ATP8B4: variants seen among roughly 807,000 people sequenced by gnomAD.
The protein encoded by ATP8B4 is probable phospholipid-transporting ATPase IM.
A neutral mutation model predicts 145.6 loss-of-function variants in ATP8B4; 133 were observed. The ratio of observed to expected loss-of-function variants is 0.91; its 90% CI spans 0.79 to 1.05. The LOEUF (loss-of-function observed/expected upper bound fraction) is 1.05. Ranked by LOEUF, ATP8B4 falls within the 50% of genes least tolerant of loss-of-function variation. ATP8B4 has a pLI of 0.00. For synonymous variants in ATP8B4, 507 were observed against 492.9 expected, an observed-to-expected ratio of 1.03 and a Z score of -0.38; for missense variants, 1,458 against 1,425.2, an observed-to-expected ratio of 1.02 and a Z score of -0.37.
At chr15:50,074,989 T>A (rs1270680725) in intron 2 of ATP8B4, among the ~76,000 whole-genome samples, 1 of 152,168 alleles carries the variant, frequency 6.6e-6, no homozygotes, top group Non-Finnish European at 1.5e-5. Context: ...GTCAGCAAGG[T>A]AACCACCAGA....
At chr15:50,144,057 G>A (rs2044245603) in intron 1 of ATP8B4, among the ~76,000 whole-genome samples, 2 of 152,148 alleles carry the variant, frequency 1.3e-5, no homozygotes, top group African/African-American at 4.8e-5. Flanking sequence ...CCTGGAAGCT[G>A]AGCCAATTCA....
rs867949799 is a variant in ATP8B4 at position 49,916,786 on chromosome 15, G to A, written c.2141+148C>T. Reference sequence around the variant, plus strand: ...TCTCAGTTTGTCACCAAAATGAAAGGAAGTTTAGGAAACATGCACAAAGAA... The same window carrying A: ...TCTCAGTTTGTCACCAAAATGAAAGAAAGTTTAGGAAACATGCACAAAGAA... On this transcript the variant is annotated intron_variant, in intron 20 of 27. Coordinates refer to ENST00000284509, the MANE Select transcript of ATP8B4 (RefSeq NM_024837.4). 8.2e-6 allele frequency: 5 copies of A among 610,178 alleles called. No homozygotes were observed. In the Middle Eastern group the frequency reaches 7.9e-4, roughly 97 times the overall value. 37.8% of individuals were successfully genotyped at this position (610,178 alleles called of 1,614,324 possible). A position where few individuals can be genotyped will look rare whatever the true frequency, so the allele number is the denominator to read the frequency against.
intron 1 of ATP8B4, among the ~76,000 whole-genome samples, chr15:50,108,835 C>A (rs114570542): frequency 0.012 from 1,890 of 152,252 alleles, 45 homozygotes; most frequent in African/African-American, 0.044. Context: ...ATTCCACAAA[C>A]TCTTTTAGGA....
chr15:50,127,738 G>A (rs544331984), intron 1 of ATP8B4, among the ~76,000 whole-genome samples: 1 of 152,308 alleles, frequency 6.6e-6, no homozygotes, highest in South Asian at 2.1e-4. Context: ...TTAAAGCATC[G>A]GATGGCAGGA....
intron 3 of ATP8B4, among the ~76,000 whole-genome samples, chr15:50,066,837 T>A (rs1481772751): frequency 1.3e-5 from 2 of 152,052 alleles, no homozygotes; most frequent in East Asian, 1.9e-4. Context: ...AACCTCAACT[T>A]TCTTAAAAAA....
chr15:50,085,510 G>A lies in ATP8B4; in HGVS notation c.29-11325C>T, dbSNP rs537760561. 3.9e-4 allele frequency among the ~76,000 whole-genome samples: 59 copies of A among 152,006 alleles called. 1 individual carries two copies. The South Asian group carries it at 0.011, about 28-fold the overall frequency. On this transcript the variant is annotated intron_variant, in intron 2 of 27. Coordinates refer to ENST00000284509, the MANE Select transcript of ATP8B4 (RefSeq NM_024837.4). ...CAGGAATGCAGATCCACGCAGTGCC[G>A]TAACATAAGAATCTAGGGCCCAAGA...
chr15:50,048,023 A>G (rs2051858812), intron 3 of ATP8B4, among the ~76,000 whole-genome samples: 1 of 152,062 alleles, frequency 6.6e-6, no homozygotes, highest in East Asian at 1.9e-4. Context: ...TTTTTTTTTA[A>G]TAACTATTTT....
intron 13 of ATP8B4, among the ~76,000 whole-genome samples, chr15:49,971,372 C>T (rs1247942011): frequency 2.6e-5 from 4 of 152,222 alleles, no homozygotes; most frequent in Non-Finnish European, 4.4e-5. Context: ...ATCTATCCAT[C>T]TGACAAAGGA....
chr15:50,025,125 T>A (rs16963254), intron 6 of ATP8B4, among the ~76,000 whole-genome samples: 9,922 of 152,248 alleles, frequency 0.065, 362 homozygotes, highest in Non-Finnish European at 0.085. Flanking sequence ...TGCATGGGAA[T>A]ATGGAGATTG....
intron 6 of ATP8B4, among the ~76,000 whole-genome samples, chr15:50,019,538 T>A (rs773573395): frequency 1.3e-5 from 2 of 152,236 alleles, no homozygotes; most frequent in African/African-American, 4.8e-5. Flanking sequence ...CTGTGACTAT[T>A]TTTTATTATT....
intron 10 of ATP8B4, chr15:49,982,649 T>C (rs2037843603): frequency 6.6e-6 from 1 of 152,202 alleles, no homozygotes; most frequent in Non-Finnish European, 1.5e-5. Context: ...GCTGAAAATG[T>C]ACATTCCATT....
intron 1 of ATP8B4, among the ~76,000 whole-genome samples, chr15:50,147,303 C>G (rs906372573): frequency 6.6e-6 from 1 of 151,706 alleles, no homozygotes; most frequent in African/African-American, 2.4e-5. Flanking sequence ...GTAATCCCAG[C>G]TACTCAGGAG....
At chr15:50,014,524 C>A (rs2048948288) in intron 6 of ATP8B4, among the ~76,000 whole-genome samples, 1 of 152,124 alleles carries the variant, frequency 6.6e-6, no homozygotes, top group Admixed American at 6.6e-5. Context: ...GTGCTTACTG[C>A]ATTCCAGGGA....
At chr15:49,979,235 A>G (rs994295644) in intron 12 of ATP8B4, among the ~76,000 whole-genome samples, 2 of 152,102 alleles carry the variant, frequency 1.3e-5, no homozygotes, top group South Asian at 4.1e-4. Context: ...ACCTGAATCC[A>G]TGTATCTATA....
chr15:50,080,845 G>A (rs1293094673), intron 2 of ATP8B4, among the ~76,000 whole-genome samples: 3 of 152,094 alleles, frequency 2.0e-5, no homozygotes, highest in Admixed American at 6.5e-5. Flanking sequence ...CGGGCGCAGT[G>A]GCTCACGCCT....
intron 20 of ATP8B4, among the ~76,000 whole-genome samples, chr15:49,907,297 A>T (rs2038727850): frequency 1.3e-5 from 2 of 152,208 alleles, no homozygotes. Context: ...AAATTTAATG[A>T]GTTTCTATTC....
chr15:49,996,777 T>C lies in ATP8B4; in HGVS notation c.507-18A>G. 1 of 1,595,250 alleles carries C rather than the reference T, an allele frequency of 6.3e-7. No homozygotes were observed. The highest frequency in any genetic ancestry group is 8.6e-7 in the Non-Finnish European group (1 of 1,164,874). On this transcript the variant is annotated intron_variant, in intron 8 of 27. Coordinates refer to ENST00000284509, the MANE Select transcript of ATP8B4 (RefSeq NM_024837.4). Reference sequence around the variant, plus strand: ...TCGTTTCCCTGTGAAATTATTGACATGACATGAATTTTTATATGGAACAGC... The same window carrying C: ...TCGTTTCCCTGTGAAATTATTGACACGACATGAATTTTTATATGGAACAGC...
At chr15:49,937,221 G>A (rs1273187955) in intron 14 of ATP8B4, among the ~76,000 whole-genome samples, 1 of 152,116 alleles carries the variant, frequency 6.6e-6, no homozygotes, top group Non-Finnish European at 1.5e-5. Context: ...CTCTACAAAG[G>A]CAGGACTTAT....
At chr15:50,062,850 A>G (rs958370689) in intron 3 of ATP8B4, among the ~76,000 whole-genome samples, 2 of 152,164 alleles carry the variant, frequency 1.3e-5, no homozygotes, top group African/African-American at 4.8e-5. Flanking sequence ...AAGCATTGCA[A>G]AGAAGTTCAG....
Sources: allele counts gnomAD v4.1 joint callset (sites outside exome capture counted in the v4.1 genomes callset), GRCh38; gene constraint gnomAD v4.1.1; transcripts MANE v1.5; gene names NCBI Gene and HGNC (gene_info 2026-07-23, HGNC 2026-07-21).